The following ZCCHC24 variants were observed in gnomAD, a reference collection of about 807,000 sequenced individuals.
The protein encoded by ZCCHC24 is zinc finger CCHC-type containing 24.
Under a neutral mutation model 26.2 loss-of-function variants are expected in ZCCHC24, and 10 were observed. The ratio of observed to expected loss-of-function variants is 0.38; its 90% CI spans 0.24 to 0.65. The LOEUF is 0.65. Among genes scored for constraint, ZCCHC24 ranks in the 30% least tolerant of loss-of-function variants. The probability of loss-of-function intolerance (pLI) is 0.54; values close to 1 mark genes in which losing one functional copy is unlikely to be tolerated. For missense variants in ZCCHC24, 243 were observed against 329.1 expected, an observed-to-expected ratio of 0.74 and a Z score of 2.03; for synonymous variants, 144 against 147.1, an observed-to-expected ratio of 0.98 and a Z score of 0.15.
Position 79,445,474 on chromosome 10 carries a change from C to T in ZCCHC24, c.-34G>A. Reference sequence around the variant, plus strand: ...GGCGGTGCCGGCCCCTCCCCGGCCGCCCGCTCGCGGCCCCCCTCCGCAGCG... The same window carrying T: ...GGCGGTGCCGGCCCCTCCCCGGCCGTCCGCTCGCGGCCCCCCTCCGCAGCG... On this transcript the variant is annotated 5_prime_UTR_variant, in exon 1 of 4. Transcript: ENST00000372336. 1 of 1,343,924 alleles carries T rather than the reference C, an allele frequency of 7.4e-7. No homozygotes were observed. The highest frequency in any genetic ancestry group is 9.6e-7 in the Non-Finnish European group (1 of 1,040,494). 83.2% of individuals were successfully genotyped at this position (1,343,924 alleles called of 1,614,324 possible).
rs1191940470 is a variant in ZCCHC24, at chr10:79,383,006, A to G, written c.*3339T>C. Reference sequence around the variant, plus strand: ...CACTCCCTGTCCCTCTACAAAATTAATAAAACCGTAATAACAAGATAAGAA... The same window carrying G: ...CACTCCCTGTCCCTCTACAAAATTAGTAAAACCGTAATAACAAGATAAGAA... On this transcript the variant is annotated 3_prime_UTR_variant, in exon 4 of 4. Coordinates refer to ENST00000372336, the MANE Select transcript of ZCCHC24 (RefSeq NM_153367.4). 2 of 152,702 alleles carry G rather than the reference A, an allele frequency of 1.3e-5. No individual in the cohort carries two copies. Among genetic ancestry groups the G allele is most frequent in the Non-Finnish European group, 2.9e-5 (2 of 68,044 alleles). 9.5% of individuals were successfully genotyped at this position (152,702 alleles called of 1,614,324 possible). A position where few individuals can be genotyped will look rare whatever the true frequency, so the allele number is the denominator to read the frequency against.
chr10:79,426,685 G>C (rs1248153275), intron 2 of ZCCHC24, among the ~76,000 whole-genome samples: 1 of 151,704 alleles, frequency 6.6e-6, no homozygotes, highest in East Asian at 1.9e-4. Context: ...ACAAAACATA[G>C]TGAAAAAAAA....
At chr10:79,410,365 A>T (rs1036413667) in intron 2 of ZCCHC24, among the ~76,000 whole-genome samples, 1 of 152,260 alleles carries the variant, frequency 6.6e-6, no homozygotes, top group African/African-American at 2.4e-5. Flanking sequence ...CACCTGGCAC[A>T]TAGTAGGTAC....
chr10:79,400,360 C>T (rs898699719), intron 2 of ZCCHC24, among the ~76,000 whole-genome samples: 13 of 152,146 alleles, frequency 8.5e-5, no homozygotes, highest in South Asian at 2.1e-4. Context: ...CCCTAAATTA[C>T]GTTATACCCT....
rs771136199 is a variant in ZCCHC24 at position 79,386,463 on chromosome 10, A to G, written c.613-5T>C. 1.3e-6 allele frequency: 2 copies of G among 1,586,792 alleles called. No homozygotes were observed. Among genetic ancestry groups the G allele is most frequent in the South Asian group, 1.1e-5 (1 of 89,442 alleles). Reference sequence around the variant, plus strand: ...GTCGGGCTTCTCCAGGGGTCTCTGCAGAGAGAAGGAGGAAGGGGCCCAGGG... The same window carrying G: ...GTCGGGCTTCTCCAGGGGTCTCTGCGGAGAGAAGGAGGAAGGGGCCCAGGG... On this transcript the variant is annotated splice_region_variant and splice_polypyrimidine_tract_variant and intron_variant, in intron 3 of 3. Transcript: ENST00000372336.
At chr10:79,386,637 C>T (rs1255982109) in intron 3 of ZCCHC24, among the ~76,000 whole-genome samples, 179 bp from the exon 4 acceptor site, 1 of 152,130 alleles carries the variant, frequency 6.6e-6, no homozygotes, top group African/African-American at 2.4e-5. Context: ...GAGGGAGAGA[C>T]ACACACCCGA....
chr10:79,424,591 G>A (rs900489103), intron 2 of ZCCHC24, among the ~76,000 whole-genome samples: 3 of 152,232 alleles, frequency 2.0e-5, no homozygotes, highest in African/African-American at 2.4e-5. Flanking sequence ...CTTCCTTAGC[G>A]TTCTTGCCTC....
Position 79,423,589 on chromosome 10 carries a change from A to ATATTT in ZCCHC24, c.447+8968_447+8969insAAATA, listed in dbSNP as rs1201819628. Among the ~76,000 whole-genome samples, 77 of 93,098 alleles carry ATATTT rather than the reference A, an allele frequency of 8.3e-4. 5 individuals carry two copies. The highest frequency in any genetic ancestry group is 4.7e-3 in the South Asian group (12 of 2,538). The allele number at this position is 93,098 out of a possible 152,430, so 61.1% of individuals were successfully genotyped here. The stretch of plus-strand genomic sequence containing the variant: ...CAAACAAAATATATATACTATATAT[A>ATATTT]TATATATATATATATATATATTTTC... On this transcript the variant is annotated intron_variant, in intron 2 of 3. Transcript: ENST00000372336.
chr10:79,424,483 G>T (rs1300715505), intron 2 of ZCCHC24, among the ~76,000 whole-genome samples: 1 of 152,188 alleles, frequency 6.6e-6, no homozygotes, highest in African/African-American at 2.4e-5. Context: ...GCCCATAGAT[G>T]GTACTTTTCC....
intron 3 of ZCCHC24, among the ~76,000 whole-genome samples, chr10:79,393,157 A>C (rs1208800263): frequency 6.6e-6 from 1 of 152,198 alleles, no homozygotes; most frequent in Non-Finnish European, 1.5e-5. Flanking sequence ...ACTCAAATCC[A>C]TTCCCTACTA....
chr10:79,439,605 A>G (rs1051112098), intron 1 of ZCCHC24, among the ~76,000 whole-genome samples: 1 of 152,188 alleles, frequency 6.6e-6, no homozygotes, highest in South Asian at 2.1e-4. Flanking sequence ...TTGCTATTAC[A>G]GAACAAGACC....
intron 1 of ZCCHC24, among the ~76,000 whole-genome samples, chr10:79,437,953 A>T (rs535838906): frequency 1.4e-4 from 21 of 152,334 alleles, no homozygotes; most frequent in Admixed American, 1.1e-3. Context: ...CAGAAACAGG[A>T]CAAGAGACAG....
At chr10:79,412,272 C>A (rs1048984491) in intron 2 of ZCCHC24, among the ~76,000 whole-genome samples, 8 of 152,254 alleles carry the variant, frequency 5.3e-5, no homozygotes, top group Non-Finnish European at 1.2e-4. Context: ...CTCCAGAACC[C>A]CAAGGGAGGT....
chr10:79,403,502 G>A (rs1856666552), intron 2 of ZCCHC24: 1 of 985,460 alleles, frequency 1.0e-6, no homozygotes, highest in South Asian at 4.7e-5. Flanking sequence ...CAGGCTCCAC[G>A]GAGGCCCCGG....
intron 2 of ZCCHC24, among the ~76,000 whole-genome samples, chr10:79,425,144 G>T (rs1409065276): frequency 3.9e-5 from 6 of 152,178 alleles, no homozygotes; most frequent in African/African-American, 1.4e-4. Context: ...ACCCCTACAG[G>T]CAAGTGCAGC....
chr10:79,435,208 CTTTT>C (rs111649601), intron 1 of ZCCHC24, among the ~76,000 whole-genome samples: 2 of 149,652 alleles, frequency 1.3e-5, no homozygotes, highest in Non-Finnish European at 3.0e-5. Flanking sequence ...TTCTTTCTTT[CTTTT>C]TTTTTTATTT....
intron 3 of ZCCHC24, among the ~76,000 whole-genome samples, chr10:79,391,106 T>C (rs992847706): frequency 5.9e-5 from 9 of 152,204 alleles, no homozygotes; most frequent in African/African-American, 2.2e-4. Flanking sequence ...ACTACTCAAG[T>C]CCTGTCTCCT....
rs116102183 is a variant in ZCCHC24, at chr10:79,384,999, G to C, written c.*1346C>G. The C allele has an allele frequency of 6.6e-6, 1 of 152,232 alleles. No individual in the cohort carries two copies. The highest frequency in any genetic ancestry group is 2.4e-5 in the African/African-American group (1 of 41,430). 9.4% of individuals were successfully genotyped at this position (152,232 alleles called of 1,614,324 possible). On this transcript the variant is annotated 3_prime_UTR_variant, in exon 4 of 4. Transcript: ENST00000372336. ...TCCCTGGCCACGGACGTGCCACGAGGCCTCTCTGCTCCCTTGGGAGGTAGG... is the reference window on the plus strand; with the variant it reads ...TCCCTGGCCACGGACGTGCCACGAGCCCTCTCTGCTCCCTTGGGAGGTAGG...
chr10:79,430,945 G>A (rs1857118538), intron 2 of ZCCHC24, among the ~76,000 whole-genome samples: 1 of 152,204 alleles, frequency 6.6e-6, no homozygotes, highest in Non-Finnish European at 1.5e-5. Flanking sequence ...ATAATCCTGT[G>A]TGAGTCCCTT....
Sources: allele counts gnomAD v4.1 joint callset (sites outside exome capture counted in the v4.1 genomes callset), GRCh38; gene constraint gnomAD v4.1.1; transcripts MANE v1.5; gene names NCBI Gene and HGNC (gene_info 2026-07-23, HGNC 2026-07-21).